Variants in SFMBT2 observed in about 807,000 individuals in gnomAD.
The protein encoded by SFMBT2 is Scm like with four mbt domains 2, also known as scm-like with four MBT domains protein 2.
SFMBT2 carries 38 observed loss-of-function variants against 110.1 expected under a neutral mutation model. The ratio of observed to expected loss-of-function variants is 0.35; its 90% CI spans 0.27 to 0.45. SFMBT2 has a LOEUF of 0.45. Among genes scored for constraint, SFMBT2 ranks in the 20% least tolerant of loss-of-function variants. The pLI, the probability that SFMBT2 is intolerant of heterozygous loss-of-function variation, is 1.00. For synonymous variants in SFMBT2, 425 were observed against 425.4 expected (o/e 1.00, Z 0.01); for missense variants, 1,011 against 1,094.9 (o/e 0.92, Z 1.08).
At chr10:7,314,631 G>C (rs1271534857) in intron 4 of SFMBT2, among the ~76,000 whole-genome samples, 1 of 152,160 alleles carries the variant, frequency 6.6e-6, no homozygotes, top group Non-Finnish European at 1.5e-5. Context: ...GACCCGGCTG[G>C]GCACATTGGC....
rs752385190 is a variant in SFMBT2, at chr10:7,205,912, A to T, written c.1347T>A (p.Val449=). 6.2e-7 allele frequency: 1 copy of T among 1,614,084 alleles called. No homozygotes were observed. Among genetic ancestry groups the T allele is most frequent in the Admixed American group, 1.7e-5 (1 of 60,006 alleles). ...WLHLEGLQTP[V]PEVIVDVESM... ...ATTCCACATCAACAATGACCTCTGGAACAGGAGTCTGCAGCCCTGCATGGG... is the reference window on the plus strand; with the variant it reads ...ATTCCACATCAACAATGACCTCTGGTACAGGAGTCTGCAGCCCTGCATGGG... Residue 449 remains valine (V), a synonymous_variant, in exon 12 of 21, where the codon GTT becomes GTA. Transcript: ENST00000397167.
intron 1 of SFMBT2, among the ~76,000 whole-genome samples, chr10:7,401,550 A>G (rs1324110530): frequency 1.3e-5 from 2 of 152,232 alleles, no homozygotes; most frequent in Admixed American, 6.5e-5. Context: ...AAAGTAATTG[A>G]CAAAAGAAGG....
At chr10:7,189,099 T>C in intron 15 of SFMBT2, 1 of 942,256 alleles carries the variant, frequency 1.1e-6, no homozygotes, top group Non-Finnish European at 1.3e-6. Context: ...CTACTGAGAA[T>C]TTCATTCTAT....
At chr10:7,350,548 C>G (rs114137317) in intron 4 of SFMBT2, among the ~76,000 whole-genome samples, 1 of 152,120 alleles carries the variant, frequency 6.6e-6, no homozygotes, top group Non-Finnish European at 1.5e-5. Flanking sequence ...CACGACAGCT[C>G]GCTACATCTT....
At chr10:7,397,185 G>A (rs1467734302) in intron 1 of SFMBT2, among the ~76,000 whole-genome samples, 1 of 151,972 alleles carries the variant, frequency 6.6e-6, no homozygotes, top group East Asian at 1.9e-4. Context: ...CCATTCATCA[G>A]GTCCCCCCAG....
chr10:7,366,533 A>G (rs958940484), intron 4 of SFMBT2, among the ~76,000 whole-genome samples: 1 of 152,156 alleles, frequency 6.6e-6, no homozygotes, highest in African/African-American at 2.4e-5. Flanking sequence ...CACCTCTCCA[A>G]GTTTATACGT....
intron 6 of SFMBT2, among the ~76,000 whole-genome samples, chr10:7,282,613 A>G (rs924625948): frequency 3.9e-5 from 6 of 152,252 alleles, no homozygotes; most frequent in Non-Finnish European, 8.8e-5. Flanking sequence ...ACATTTTGAC[A>G]GCAATAATAC....
rs1369778044 is a variant in SFMBT2, at chr10:7,197,625, G to T, written c.1621C>A (p.Pro541Thr). The T allele has an allele frequency of 6.2e-7, 1 of 1,614,166 alleles. No individual in the cohort carries two copies. Among genetic ancestry groups the T allele is most frequent in the Admixed American group, 1.7e-5 (1 of 60,022 alleles). The stretch of plus-strand genomic sequence containing the variant: ...GCAATCCTTCCTTTGTTCAGGTAAG[G>T]GCCTGAGAAACACCTGTGGTTGATG... ...LFINHRCFSG[P>T]YLNKGRIAEL... Residue 541 changes from proline to threonine, a missense_variant, in exon 15 of 21, where the codon CCT becomes ACT. Transcript: ENST00000397167.
chr10:7,360,866 T>C (rs114106622), intron 4 of SFMBT2, among the ~76,000 whole-genome samples: 363 of 152,364 alleles, frequency 2.4e-3, no homozygotes, highest in African/African-American at 8.4e-3. Context: ...GAGAAAGGGT[T>C]ACTTTGTTTC....
At chr10:7,260,112 C>G in intron 7 of SFMBT2, among the ~76,000 whole-genome samples, 1 of 152,186 alleles carries the variant, frequency 6.6e-6, no homozygotes, top group East Asian at 1.9e-4. Flanking sequence ...CCACTGCCTA[C>G]TACCACTATG....
intron 15 of SFMBT2, among the ~76,000 whole-genome samples, chr10:7,196,466 T>C (rs1359195754): frequency 2.0e-5 from 3 of 152,202 alleles, no homozygotes; most frequent in Non-Finnish European, 4.4e-5. Flanking sequence ...ACTTGCCATA[T>C]ATTTGTCCTG....
Position 7,332,015 on chromosome 10 carries a change from C to CAAAA in SFMBT2, c.436+35630_436+35633dup, listed in dbSNP as rs1491320070. On this transcript the variant is annotated intron_variant, in intron 4 of 20. Coordinates refer to ENST00000397167, the MANE Select transcript of SFMBT2 (RefSeq NM_001387889.1). ...TGGGCAACAGAATGAGACTCTGTCTCAAAAAAAAAAAAAAAAAAAAAAGGA... is the reference window on the plus strand; with the variant it reads ...TGGGCAACAGAATGAGACTCTGTCTCAAAAAAAAAAAAAAAAAAAAAAAAAAGGA... Among the ~76,000 whole-genome samples the CAAAA allele has an allele frequency of 6.2e-4, 22 of 35,328 alleles. 1 individual carries two copies. The highest frequency in any genetic ancestry group is 1.1e-3 in the East Asian group (1 of 908). The allele number at this position is 35,328 out of a possible 152,430, so 23.2% of individuals were successfully genotyped here. A position where few individuals can be genotyped will look rare whatever the true frequency, so the allele number is the denominator to read the frequency against.
At chr10:7,304,700 G>C (rs1842644449) in intron 4 of SFMBT2, among the ~76,000 whole-genome samples, 1 of 152,194 alleles carries the variant, frequency 6.6e-6, no homozygotes, top group African/African-American at 2.4e-5. Flanking sequence ...CCGTCCATCA[G>C]AGAGAGAAAT....
chr10:7,310,223 C>T (rs1057269869), intron 4 of SFMBT2, among the ~76,000 whole-genome samples: 1 of 152,186 alleles, frequency 6.6e-6, no homozygotes, highest in Non-Finnish European at 1.5e-5. Context: ...ATTCGGTACA[C>T]AGAAAGACCT....
At chr10:7,323,220 G>A (rs898608797) in intron 4 of SFMBT2, among the ~76,000 whole-genome samples, 46 of 152,130 alleles carry the variant, frequency 3.0e-4, no homozygotes, top group African/African-American at 1.1e-3. Flanking sequence ...TTGGGAGGCT[G>A]AGGCGGGTTG....
At chr10:7,353,616 T>C (rs578125339) in intron 4 of SFMBT2, among the ~76,000 whole-genome samples, 1 of 152,214 alleles carries the variant, frequency 6.6e-6, no homozygotes, top group Admixed American at 6.5e-5. Context: ...GAAGAACTCA[T>C]GTCCTCCCAT....
intron 14 of SFMBT2, among the ~76,000 whole-genome samples, chr10:7,198,586 C>T (rs1838850355): frequency 6.6e-6 from 1 of 152,226 alleles, no homozygotes. Flanking sequence ...TTGCACTTCT[C>T]CACTCTGCCA....
At chr10:7,303,536 G>A (rs1348049068) in intron 4 of SFMBT2, among the ~76,000 whole-genome samples, 1 of 151,894 alleles carries the variant, frequency 6.6e-6, no homozygotes, top group Admixed American at 6.6e-5. Flanking sequence ...AGAAAGAAAG[G>A]GTGGTGTAAT....
At position 7,250,001 on chromosome 10, in the gene SFMBT2, T is replaced by C. The variant is rs73615432; in HGVS notation, c.871-1352A>G. ...ACTGGCCACTCTAAATATTTACAAA[T>C]TCCTTAAGAACTTACAATCCACACT... On this transcript the variant is annotated intron_variant, in intron 7 of 20. Coordinates refer to ENST00000397167, the MANE Select transcript of SFMBT2 (RefSeq NM_001387889.1). Among the ~76,000 whole-genome samples the C allele has an allele frequency of 4.6e-3, 707 of 152,254 alleles. 4 individuals carry two copies. Among genetic ancestry groups the C allele is most frequent in the African/African-American group, 0.016 (679 of 41,542 alleles).
Sources: gnomAD v4.1 joint callset for allele counts (sites outside exome capture counted in the v4.1 genomes callset) on GRCh38, gnomAD v4.1.1 for gene constraint, MANE v1.5 for transcripts, NCBI Gene and HGNC (gene_info 2026-07-23, HGNC 2026-07-21) for gene names.